DNM3: variants seen among roughly 807,000 people sequenced by gnomAD.
The protein encoded by DNM3 is dynamin 3.
Under a neutral mutation model 101.6 loss-of-function variants are expected in DNM3, and 47 were observed. The observed-to-expected ratio is 0.46, with a 90% CI of 0.37 to 0.59. DNM3 has a LOEUF of 0.59. DNM3 is among the 20% of genes least tolerant of loss of function. DNM3 has a pLI of 0.00. For synonymous variants in DNM3, 385 were observed against 387.9 expected (o/e 0.99, Z 0.09); for missense variants, 849 against 1,085.7 (o/e 0.78, Z 3.06).
rs192193310 is a variant in DNM3 at position 171,999,001 on chromosome 1, T to A, written c.589+9853T>A. Among the ~76,000 whole-genome samples, 8 of 152,140 alleles carry A rather than the reference T, an allele frequency of 5.3e-5. No individual in the cohort carries two copies. In the East Asian group the frequency reaches 1.6e-3, roughly 29 times the overall value. ...CCCAGATCATGTGGGGTTTTGTAGA[T>A]CACAACAGAGGCTTTGTATTTTTTT... On this transcript the variant is annotated intron_variant, in intron 4 of 20. Transcript: ENST00000627582.
intron 1 of DNM3, among the ~76,000 whole-genome samples, chr1:171,868,142 C>T (rs1298010248): frequency 1.3e-5 from 2 of 152,092 alleles, no homozygotes; most frequent in Non-Finnish European, 2.9e-5. Flanking sequence ...TGTTTTTCTA[C>T]CCAGTGTCAT....
At chr1:172,200,932 T>C (rs1471888516) in intron 14 of DNM3, among the ~76,000 whole-genome samples, 1 of 152,158 alleles carries the variant, frequency 6.6e-6, no homozygotes, top group Non-Finnish European at 1.5e-5. Context: ...GGAGGACATA[T>C]GGCACTCTGG....
chr1:172,022,365 C>T (rs1458634434), intron 4 of DNM3, among the ~76,000 whole-genome samples: 1 of 151,996 alleles, frequency 6.6e-6, no homozygotes, highest in African/African-American at 2.4e-5. Flanking sequence ...TAAGATCTAT[C>T]AATGTAGGTA....
chr1:172,179,015 C>T (rs2059253746), intron 14 of DNM3, among the ~76,000 whole-genome samples: 1 of 151,884 alleles, frequency 6.6e-6, no homozygotes, highest in Non-Finnish European at 1.5e-5. Flanking sequence ...ACTCTAAAGC[C>T]AGGGCGGTGA....
intron 1 of DNM3, among the ~76,000 whole-genome samples, chr1:171,913,981 A>G (rs1198384128): frequency 2.0e-5 from 3 of 151,260 alleles, no homozygotes; most frequent in African/African-American, 7.3e-5. Context: ...TAGAGAAGGG[A>G]GTCTTGTCAT....
At chr1:171,855,887 T>C (rs1342492167) in intron 1 of DNM3, among the ~76,000 whole-genome samples, 2 of 152,204 alleles carry the variant, frequency 1.3e-5, no homozygotes, top group Non-Finnish European at 2.9e-5. Context: ...ATCCCTCTTG[T>C]CAATTTTTGC....
chr1:172,410,988 G>GT lies in DNM3; in HGVS notation c.*3148dup. The GT allele has an allele frequency of 1.0e-6, 1 of 985,176 alleles. No homozygotes were observed. The highest frequency in any genetic ancestry group is 4.7e-5 in the South Asian group (1 of 21,288). The allele number at this position is 985,176 out of a possible 1,614,324, so 61.0% of individuals were successfully genotyped here. ...ATACCTAGTAAGTATGTTTCTGTAA[G>GT]TATGTGTATTTTATGTCCATTTGAG... On this transcript the variant is annotated 3_prime_UTR_variant, in exon 21 of 21. Coordinates refer to ENST00000627582, the MANE Select transcript of DNM3 (RefSeq NM_015569.5).
intron 1 of DNM3, among the ~76,000 whole-genome samples, chr1:171,859,271 G>A (rs566672087): frequency 6.6e-6 from 1 of 152,014 alleles, no homozygotes; most frequent in African/African-American, 2.4e-5. Flanking sequence ...CTTTCCTCTG[G>A]GATACCCCAA....
intron 14 of DNM3, among the ~76,000 whole-genome samples, chr1:172,175,654 T>C (rs590567): frequency 0.5 from 76,416 of 151,640 alleles, 21,389 homozygotes; most frequent in African/African-American, 0.76. Context: ...AATAAAATTT[T>C]GTGAAGGAGA....
chr1:172,297,142 C>CAAAA (rs767532426), intron 15 of DNM3, among the ~76,000 whole-genome samples: 1 of 110,996 alleles, frequency 9.0e-6, no homozygotes, highest in Non-Finnish European at 1.9e-5. Flanking sequence ...AACTCCATCT[C>CAAAA]AAAAAAAAAA....
chr1:172,359,674 G>A (rs527505190), intron 17 of DNM3, among the ~76,000 whole-genome samples: 1 of 151,012 alleles, frequency 6.6e-6, no homozygotes, highest in African/African-American at 2.4e-5. Context: ...GTCAAAACCA[G>A]CATTTCAGGG....
At chr1:172,179,152 C>A (rs1395375792) in intron 14 of DNM3, among the ~76,000 whole-genome samples, 1 of 151,910 alleles carries the variant, frequency 6.6e-6, no homozygotes, top group Non-Finnish European at 1.5e-5. Context: ...CCTGCCTGGA[C>A]TAGAATCCAA....
chr1:172,403,660 T>C (rs568932611), intron 20 of DNM3, among the ~76,000 whole-genome samples: 2 of 152,228 alleles, frequency 1.3e-5, no homozygotes. Flanking sequence ...AAATACAACT[T>C]CAAGTATTAC....
rs2037198930 is a variant in DNM3 at position 171,890,778 on chromosome 1, A to G, written c.162-30970A>G. On this transcript the variant is annotated intron_variant, in intron 1 of 20. Transcript: ENST00000627582. ...TAGGAGGATTATTTTTGTGATGATTATTAGAGACCAATCACAGCAGCAAAA... is the reference window on the plus strand; with the variant it reads ...TAGGAGGATTATTTTTGTGATGATTGTTAGAGACCAATCACAGCAGCAAAA... Among the ~76,000 whole-genome samples, 3 of 152,202 alleles carry G rather than the reference A, an allele frequency of 2.0e-5. 1 individual carries two copies. The highest frequency in any genetic ancestry group is 6.5e-5 in the Admixed American group (1 of 15,276).
intron 14 of DNM3, among the ~76,000 whole-genome samples, chr1:172,227,277 T>G (rs1424239260): frequency 1.3e-5 from 1 of 74,998 alleles, no homozygotes; most frequent in African/African-American, 6.0e-5. Context: ...TTGTGATATA[T>G]ATATATATAT....
intron 17 of DNM3, among the ~76,000 whole-genome samples, chr1:172,339,344 A>T (rs766888048): frequency 6.6e-6 from 1 of 152,138 alleles, no homozygotes; most frequent in Non-Finnish European, 1.5e-5. Flanking sequence ...TCTCACCAAT[A>T]TGTTTCTAGA....
intron 8 of DNM3, among the ~76,000 whole-genome samples, chr1:172,043,099 T>G (rs190137209): frequency 1.3e-5 from 2 of 152,278 alleles, no homozygotes; most frequent in Admixed American, 1.3e-4. Context: ...AGAATTAAAC[T>G]TCTTTAGCTT....
At chr1:171,884,636 C>G (rs1558211529) in intron 1 of DNM3, among the ~76,000 whole-genome samples, 1 of 152,154 alleles carries the variant, frequency 6.6e-6, no homozygotes, top group South Asian at 2.1e-4. Context: ...TGATGGGACT[C>G]ACTCATATGG....
chr1:172,204,657 G>A (rs1237607425), intron 14 of DNM3, among the ~76,000 whole-genome samples: 27 of 152,110 alleles, frequency 1.8e-4, no homozygotes, highest in Admixed American at 1.8e-3. Context: ...CCCTGTGGGT[G>A]TATCTTTCTC....
Sources: allele counts gnomAD v4.1 joint callset (sites outside exome capture counted in the v4.1 genomes callset), GRCh38; gene constraint gnomAD v4.1.1; transcripts MANE v1.5; gene names NCBI Gene and HGNC (gene_info 2026-07-23, HGNC 2026-07-21).